AK9: variants seen among roughly 807,000 people sequenced by gnomAD.
The protein encoded by AK9 is adenylate kinase 9.
AK9 carries 191 observed loss-of-function variants against 239.6 expected under a neutral mutation model. The ratio of observed to expected loss-of-function variants is 0.80; its 90% CI spans 0.71 to 0.90. The LOEUF is 0.90. Among genes scored for constraint, AK9 ranks in the 40% least tolerant of loss-of-function variants. The probability of loss-of-function intolerance (pLI) is 0.00; values close to 1 mark genes in which losing one functional copy is unlikely to be tolerated. For missense variants in AK9, 1,995 were observed against 2,214.7 expected, an observed-to-expected ratio of 0.90 and a Z score of 1.99; for synonymous variants, 689 against 721.0, an observed-to-expected ratio of 0.96 and a Z score of 0.71.
intron 32 of AK9, among the ~76,000 whole-genome samples, chr6:109,512,468 C>T (rs1352256954): frequency 6.6e-6 from 1 of 152,142 alleles, no homozygotes; most frequent in Non-Finnish European, 1.5e-5. Flanking sequence ...TGAATTCTTT[C>T]TTGCACGAGA....
intron 8 of AK9, among the ~76,000 whole-genome samples, chr6:109,646,208 C>T (rs1325662017): frequency 4.6e-5 from 7 of 152,240 alleles, no homozygotes; most frequent in South Asian, 2.1e-4. Context: ...TGCAGCCCCT[C>T]ACCAGCAATG....
chr6:109,519,301 A>G (rs545513013), intron 29 of AK9, among the ~76,000 whole-genome samples: 15 of 152,314 alleles, frequency 9.8e-5, no homozygotes, highest in African/African-American at 3.6e-4. Context: ...TATTTTTGGT[A>G]GAACAATTTA....
At chr6:109,597,217 A>C (rs961029631) in intron 17 of AK9, among the ~76,000 whole-genome samples, 3 of 152,182 alleles carry the variant, frequency 2.0e-5, no homozygotes, top group Non-Finnish European at 2.9e-5. Context: ...CATTGCTGCC[A>C]AAAGCATCTG....
intron 8 of AK9, 52 bp downstream of exon 8, chr6:109,656,704 T>A: frequency 6.6e-7 from 1 of 1,510,280 alleles, no homozygotes; most frequent in Non-Finnish European, 9.1e-7. Flanking sequence ...ACTTAACCAG[T>A]GATGAAACAC....
Position 109,666,352 on chromosome 6 carries a change from T to C in AK9, c.332-3689A>G, listed in dbSNP as rs186624846. ...CTGAGCCCAGTGTCAACCTTTCCAA[T>C]TCCAGAGACATGTGAGGATGAAAGC... On this transcript the variant is annotated intron_variant, in intron 5 of 40. Transcript: ENST00000424296. Among the ~76,000 whole-genome samples the C allele has an allele frequency of 3.9e-5, 6 of 152,314 alleles. No homozygotes were observed. The East Asian group carries it at 9.7e-4, about 25-fold the overall frequency.
chr6:109,651,276 G>A (rs972861183), intron 8 of AK9, among the ~76,000 whole-genome samples: 34 of 151,020 alleles, frequency 2.3e-4, no homozygotes, highest in African/African-American at 3.4e-4. Context: ...ACTAAAAGCC[G>A]CAGAACTACA....
chr6:109,638,808 C>T (rs1797031968), intron 10 of AK9, among the ~76,000 whole-genome samples: 1 of 152,156 alleles, frequency 6.6e-6, no homozygotes, highest in Non-Finnish European at 1.5e-5. Context: ...CCCAGATCCC[C>T]ACCCCACGAC....
At chr6:109,678,295 AAAC>A (rs957304857) in intron 1 of AK9, among the ~76,000 whole-genome samples, 13 of 152,330 alleles carry the variant, frequency 8.5e-5, no homozygotes, top group Non-Finnish European at 1.3e-4. Flanking sequence ...AAACAGAGCA[AAAC>A]AACAACAAAA....
At chr6:109,504,731 C>A (rs1006243711) in intron 35 of AK9, among the ~76,000 whole-genome samples, 1 of 152,124 alleles carries the variant, frequency 6.6e-6, no homozygotes, top group African/African-American at 2.4e-5. Context: ...ATTGCTTGAA[C>A]CCGGGAAGGG....
chr6:109,600,871 T>G (rs922292756), intron 17 of AK9, among the ~76,000 whole-genome samples: 2 of 152,152 alleles, frequency 1.3e-5, no homozygotes, highest in Non-Finnish European at 2.9e-5. Flanking sequence ...TGCGTGGAGG[T>G]GTTTATAGTA....
At chr6:109,639,551 C>T (rs934302770) in intron 10 of AK9, among the ~76,000 whole-genome samples, 1 of 152,126 alleles carries the variant, frequency 6.6e-6, no homozygotes, top group African/African-American at 2.4e-5. Flanking sequence ...GATATTAGCC[C>T]TTTGTCAGAT....
intron 17 of AK9, among the ~76,000 whole-genome samples, chr6:109,599,118 C>T (rs1235417612): frequency 6.6e-6 from 1 of 152,140 alleles, no homozygotes; most frequent in Non-Finnish European, 1.5e-5. Context: ...GTTGCCATTG[C>T]TTTTGGTGTT....
At chr6:109,548,457 C>T (rs1205390777) in intron 25 of AK9, among the ~76,000 whole-genome samples, 1 of 152,062 alleles carries the variant, frequency 6.6e-6, no homozygotes. Flanking sequence ...GTTTCGGGGA[C>T]AATGCCCCAA....
At chr6:109,618,292 G>T (rs1195812446) in intron 13 of AK9, among the ~76,000 whole-genome samples, 1 of 152,074 alleles carries the variant, frequency 6.6e-6, no homozygotes, top group Non-Finnish European at 1.5e-5. Context: ...GAAAGGTTTA[G>T]ATTAAGCTAC....
chr6:109,574,761 T>G (rs572299085), intron 20 of AK9, among the ~76,000 whole-genome samples: 1 of 152,258 alleles, frequency 6.6e-6, no homozygotes, highest in African/African-American at 2.4e-5. Flanking sequence ...TTTTGTTCCA[T>G]GGAAAAGTTC....
chr6:109,496,775 T>C (rs548294439), intron 38 of AK9, among the ~76,000 whole-genome samples: 2 of 152,292 alleles, frequency 1.3e-5, no homozygotes, highest in South Asian at 4.1e-4. Context: ...ACAAGATCAC[T>C]CTGGCAGCCT....
intron 35 of AK9, among the ~76,000 whole-genome samples, chr6:109,500,226 C>T (rs903181523): frequency 4.6e-5 from 7 of 151,954 alleles, no homozygotes; most frequent in Non-Finnish European, 7.4e-5. Context: ...AGAAGGAAAA[C>T]AAACATTTAT....
intron 6 of AK9, among the ~76,000 whole-genome samples, chr6:109,662,350 T>G (rs1177600038): frequency 6.6e-6 from 1 of 152,208 alleles, no homozygotes; most frequent in East Asian, 1.9e-4. Context: ...GGAAGCCTGG[T>G]GAAGAGGCAA....
chr6:109,679,350 C>T (rs947107932), intron 1 of AK9, among the ~76,000 whole-genome samples: 1 of 152,142 alleles, frequency 6.6e-6, no homozygotes, highest in Non-Finnish European at 1.5e-5. Flanking sequence ...GAAGTTCCCT[C>T]CTCCCACCCC....
Sources: allele counts gnomAD v4.1 joint callset (sites outside exome capture counted in the v4.1 genomes callset), GRCh38; gene constraint gnomAD v4.1.1; transcripts MANE v1.5; gene names NCBI Gene and HGNC (gene_info 2026-07-23, HGNC 2026-07-21).